The following LTBP1 variants were observed in gnomAD, a reference collection of about 807,000 sequenced individuals.
LTBP1 encodes latent transforming growth factor beta binding protein 1.
Under a neutral mutation model 207.6 loss-of-function variants are expected in LTBP1, and 129 were observed. That is an observed-to-expected ratio of 0.62 (90% CI 0.54 to 0.72). LTBP1 has a LOEUF of 0.72. Ranked by LOEUF, LTBP1 falls within the 30% of genes least tolerant of loss-of-function variation. The pLI is 0.00. For missense variants in LTBP1, 2,281 were observed against 2,217.2 expected, an observed-to-expected ratio of 1.03 and a Z score of -0.58; for synonymous variants, 963 against 833.7, an observed-to-expected ratio of 1.16 and a Z score of -2.67.
intron 2 of LTBP1, among the ~76,000 whole-genome samples, chr2:32,959,594 C>T (rs1340437214): frequency 2.5e-3 from 156 of 61,750 alleles, no homozygotes; most frequent in African/African-American, 3.4e-3. Flanking sequence ...TATATATGTA[C>T]GTGTATATAT....
At chr2:33,067,638 A>G (rs1315843838) in intron 3 of LTBP1, among the ~76,000 whole-genome samples, 3 of 152,234 alleles carry the variant, frequency 2.0e-5, no homozygotes, top group Non-Finnish European at 2.9e-5. Flanking sequence ...AACTATTTAC[A>G]TAGCATTTAC....
At chr2:33,087,827 C>A (rs965729316) in intron 3 of LTBP1, among the ~76,000 whole-genome samples, 1 of 152,160 alleles carries the variant, frequency 6.6e-6, no homozygotes, top group Admixed American at 6.5e-5. Flanking sequence ...ACTTTATGAG[C>A]CATACCATCA....
At chr2:33,109,630 A>G (rs1028185801) in intron 3 of LTBP1, among the ~76,000 whole-genome samples, 2 of 152,180 alleles carry the variant, frequency 1.3e-5, no homozygotes, top group African/African-American at 4.8e-5. Context: ...AGAAGTCTTG[A>G]CTCGTGCTAT....
intron 3 of LTBP1, among the ~76,000 whole-genome samples, chr2:33,038,002 G>A (rs548080755): frequency 6.6e-6 from 1 of 152,350 alleles, no homozygotes; most frequent in East Asian, 1.9e-4. Flanking sequence ...TACAGGGCAT[G>A]AGCCACCGCA....
chr2:33,208,129 TTA>T (rs1452970782), intron 7 of LTBP1, among the ~76,000 whole-genome samples: 1 of 152,240 alleles, frequency 6.6e-6, no homozygotes, highest in Non-Finnish European at 1.5e-5. Context: ...TAGCTTTTGT[TTA>T]CTAGAATACC....
chr2:33,254,871 T>G (rs1211158175), intron 11 of LTBP1, among the ~76,000 whole-genome samples: 7 of 120,046 alleles, frequency 5.8e-5, no homozygotes, highest in Non-Finnish European at 1.2e-4. Context: ...TTTTTTTTTT[T>G]TTTTTTTTTT....
At chr2:33,363,679 T>TA (rs1313810964) in intron 29 of LTBP1, among the ~76,000 whole-genome samples, 161 bp downstream of exon 29, 1 of 152,050 alleles carries the variant, frequency 6.6e-6, no homozygotes, top group Admixed American at 6.5e-5. Flanking sequence ...TTGAAGAAAA[T>TA]AAAAAGAAAA....
chr2:33,111,870 AT>A lies in LTBP1; in HGVS notation c.1033+1121del, dbSNP rs372008088. Among the ~76,000 whole-genome samples the A allele has an allele frequency of 2.6e-3, 398 of 152,282 alleles. 3 individuals are homozygous for A. Among genetic ancestry groups the A allele is most frequent in the African/African-American group, 9.1e-3 (379 of 41,566 alleles). On this transcript the variant is annotated intron_variant, in intron 4 of 33. Transcript: ENST00000404816. ...GAAGAATACAGAAACCATTTAGATC[AT>A]TAGGAAAAAATCACTTCCAAGTCAT...
chr2:33,320,359 C>G (rs139490961), intron 24 of LTBP1, among the ~76,000 whole-genome samples: 1 of 144,474 alleles, frequency 6.9e-6, no homozygotes, highest in Non-Finnish European at 1.5e-5. Flanking sequence ...CAGAGCAAGA[C>G]TGCCTCAAAA....
chr2:33,148,301 A>G (rs2083218361), intron 5 of LTBP1, among the ~76,000 whole-genome samples: 1 of 152,204 alleles, frequency 6.6e-6, no homozygotes, highest in African/African-American at 2.4e-5. Flanking sequence ...TAATTGAATG[A>G]TATCAATTAG....
chr2:33,234,802 C>T (rs2091962267), intron 9 of LTBP1, among the ~76,000 whole-genome samples: 1 of 152,098 alleles, frequency 6.6e-6, no homozygotes, highest in Non-Finnish European at 1.5e-5. Context: ...GGAGGCATCA[C>T]ACTACCTGAC....
chr2:33,211,138 T>C (rs962377786), intron 7 of LTBP1, among the ~76,000 whole-genome samples: 4 of 152,242 alleles, frequency 2.6e-5, no homozygotes, highest in Non-Finnish European at 4.4e-5. Flanking sequence ...CAGTTTATCA[T>C]TTTTTAGTGT....
chr2:33,311,983 G>C (rs1330092969), intron 23 of LTBP1, among the ~76,000 whole-genome samples: 1 of 152,196 alleles, frequency 6.6e-6, no homozygotes, highest in Non-Finnish European at 1.5e-5. Flanking sequence ...TCTTAGTACT[G>C]TTTAAAGAAT....
Position 33,398,589 on chromosome 2 carries a change from A to G in LTBP1, c.*44A>G. 6.5e-7 allele frequency: 1 copy of G among 1,532,626 alleles called. No individual in the cohort carries two copies. Among genetic ancestry groups the G allele is most frequent in the Non-Finnish European group, 8.8e-7 (1 of 1,131,920 alleles). 94.9% of individuals were successfully genotyped at this position (1,532,626 alleles called of 1,614,324 possible). Reference sequence around the variant, plus strand: ...TAAGCCCATATACTCTGCACTGTGTAAAGGAAAAGGGAGAAATGTATTATA... The same window carrying G: ...TAAGCCCATATACTCTGCACTGTGTGAAGGAAAAGGGAGAAATGTATTATA... On this transcript the variant is annotated 3_prime_UTR_variant, in exon 34 of 34. Transcript: ENST00000404816.
chr2:33,130,492 T>G (rs1268693147), intron 4 of LTBP1, among the ~76,000 whole-genome samples: 2 of 152,248 alleles, frequency 1.3e-5, no homozygotes, highest in African/African-American at 4.8e-5. Flanking sequence ...AAGGCAACTG[T>G]GCCCTTTTCT....
chr2:32,983,012 A>G (rs1368003079), intron 2 of LTBP1, among the ~76,000 whole-genome samples: 1 of 152,196 alleles, frequency 6.6e-6, no homozygotes, highest in African/African-American at 2.4e-5. Context: ...CCAGAATGGT[A>G]GATCCACCAA....
At chr2:33,018,538 C>G (rs950163288) in intron 2 of LTBP1, among the ~76,000 whole-genome samples, 2 of 152,182 alleles carry the variant, frequency 1.3e-5, no homozygotes, top group African/African-American at 4.8e-5. Context: ...GTGGCCACTT[C>G]TGTTCTCTTG....
intron 3 of LTBP1, among the ~76,000 whole-genome samples, chr2:33,076,642 T>C (rs1194859394): frequency 6.6e-6 from 1 of 152,040 alleles, no homozygotes; most frequent in South Asian, 2.1e-4. Flanking sequence ...GTTCAAGTGA[T>C]TCTACTACCT....
At position 33,164,231 on chromosome 2, in the gene LTBP1, C is replaced by G. The variant is rs1326400780; in HGVS notation, c.1202-22625C>G. Among the ~76,000 whole-genome samples the G allele has an allele frequency of 2.0e-5, 3 of 151,536 alleles. No individual in the cohort carries two copies. In the East Asian group the frequency reaches 5.8e-4, roughly 29 times the overall value. ...GGGTGTGGTGGTGCATGCCTGTAAT[C>G]CCAGCTGCTTGGGAGGCTGAGGCAG... On this transcript the variant is annotated intron_variant, in intron 5 of 33. Transcript: ENST00000404816.
Sources: gnomAD v4.1 joint callset for allele counts (sites outside exome capture counted in the v4.1 genomes callset) on GRCh38, gnomAD v4.1.1 for gene constraint, MANE v1.5 for transcripts, NCBI Gene and HGNC (gene_info 2026-07-23, HGNC 2026-07-21) for gene names.